CADM1: variants seen among roughly 807,000 people sequenced by gnomAD.
CADM1 encodes TSLC-1.
CADM1 carries 15 observed loss-of-function variants against 53.1 expected under a neutral mutation model. The ratio of observed to expected loss-of-function variants is 0.28; its 90% CI spans 0.19 to 0.44. The LOEUF is 0.44. Ranked by LOEUF, CADM1 falls within the 20% of genes least tolerant of loss-of-function variation. The probability of loss-of-function intolerance (pLI) is 1.00; values close to 1 mark genes in which losing one functional copy is unlikely to be tolerated. For synonymous variants in CADM1, 281 were observed against 243.0 expected, an observed-to-expected ratio of 1.16 and a Z score of -1.45; for missense variants, 434 against 611.3, an observed-to-expected ratio of 0.71 and a Z score of 3.06.
intron 1 of CADM1, among the ~76,000 whole-genome samples, chr11:115,265,901 G>A (rs897806866): frequency 7.9e-5 from 12 of 152,172 alleles, no homozygotes; most frequent in African/African-American, 2.9e-4. Context: ...CAATTAGGAG[G>A]ACAGTAGTCC....
chr11:115,219,436 A>G (rs1158863768), intron 5 of CADM1, among the ~76,000 whole-genome samples: 2 of 152,182 alleles, frequency 1.3e-5, no homozygotes, highest in Non-Finnish European at 2.9e-5. Flanking sequence ...TTCACCCACC[A>G]GTGTGCACTG....
intron 1 of CADM1, among the ~76,000 whole-genome samples, chr11:115,275,224 C>G (rs1264031043): frequency 6.6e-6 from 1 of 152,172 alleles, no homozygotes; most frequent in Non-Finnish European, 1.5e-5. Flanking sequence ...CTCACGTCCT[C>G]TCACCCATGT....
chr11:115,469,669 CTTT>C (rs554156174), intron 1 of CADM1, among the ~76,000 whole-genome samples: 4 of 100,462 alleles, frequency 4.0e-5, no homozygotes, highest in South Asian at 3.6e-4. Context: ...AACTTCTGGG[CTTT>C]TTTTTTTTTT....
At chr11:115,501,872 T>A (rs1168647451) in intron 1 of CADM1, among the ~76,000 whole-genome samples, 1 of 152,150 alleles carries the variant, frequency 6.6e-6, no homozygotes, top group African/African-American at 2.4e-5. Context: ...GACCCCGGAA[T>A]GAGCCAAGAC....
chr11:115,420,204 G>C (rs911300857), intron 1 of CADM1, among the ~76,000 whole-genome samples: 2 of 152,120 alleles, frequency 1.3e-5, no homozygotes, highest in African/African-American at 4.8e-5. Flanking sequence ...TTAGAATTTA[G>C]AACAATGTGT....
intron 1 of CADM1, among the ~76,000 whole-genome samples, chr11:115,442,306 T>C (rs1382454563): frequency 6.6e-6 from 1 of 152,176 alleles, no homozygotes; most frequent in African/African-American, 2.4e-5. Flanking sequence ...GGGCTCACTC[T>C]AAAGCTTTGG....
At chr11:115,263,259 T>A in intron 1 of CADM1, among the ~76,000 whole-genome samples, 1 of 152,170 alleles carries the variant, frequency 6.6e-6, no homozygotes, top group East Asian at 1.9e-4. Flanking sequence ...GGAATTGGAG[T>A]CACTGACATC....
chr11:115,393,068 A>C (rs1355980467), intron 1 of CADM1, among the ~76,000 whole-genome samples: 6 of 127,090 alleles, frequency 4.7e-5, no homozygotes, highest in Admixed American at 3.3e-4. Flanking sequence ...ATCTCTTCCA[A>C]AAAAAAAAAA....
rs1447223970 is a variant in CADM1, at chr11:115,169,909, T to C, written c.*6565A>G. On this transcript the variant is annotated 3_prime_UTR_variant, in exon 12 of 12. Transcript: ENST00000331581. Reference sequence around the variant, plus strand: ...GCAACCATTAAGGGATTTAAATATTTGCTTGCTATTAAAGGCCTGCATTAG... The same window carrying C: ...GCAACCATTAAGGGATTTAAATATTCGCTTGCTATTAAAGGCCTGCATTAG... 3.9e-6 allele frequency: 1 copy of C among 254,236 alleles called. No individual in the cohort carries two copies. Among genetic ancestry groups the C allele is most frequent in the Non-Finnish European group, 7.9e-6 (1 of 127,172 alleles). The allele number at this position is 254,236 out of a possible 1,614,324, so 15.7% of individuals were successfully genotyped here.
At chr11:115,244,189 T>C (rs1942334188) in intron 1 of CADM1, among the ~76,000 whole-genome samples, 1 of 152,254 alleles carries the variant, frequency 6.6e-6, no homozygotes, top group South Asian at 2.1e-4. Context: ...AGAAAGCTTA[T>C]TGTCTAAAGA....
chr11:115,217,948 G>A lies in CADM1; in HGVS notation c.765C>T (p.Gly255=). The stretch of plus-strand genomic sequence containing the variant: ...CAAGCGCGTCCCCTTCCCGGGTTAA[G>A]CCTTGTAGAGGATAAGTCATCTGAA... ...VHIQMTYPLQ[G]LTREGDALEL... is the part of the protein sequence containing the mutation. Residue 255 remains glycine, a synonymous_variant, in exon 6 of 12, where the codon GGC becomes GGT. Transcript: ENST00000331581. 1 of 1,613,582 alleles carries A rather than the reference G, an allele frequency of 6.2e-7. No individual in the cohort carries two copies. Among genetic ancestry groups the A allele is most frequent in the Non-Finnish European group, 8.5e-7 (1 of 1,179,628 alleles).
At chr11:115,306,330 T>C (rs541781678) in intron 1 of CADM1, among the ~76,000 whole-genome samples, 2 of 152,016 alleles carry the variant, frequency 1.3e-5, no homozygotes, top group East Asian at 1.9e-4. Context: ...AGCCTAGGAG[T>C]GTAGTAGACT....
At chr11:115,415,209 G>A (rs950976746) in intron 1 of CADM1, among the ~76,000 whole-genome samples, 20 of 152,270 alleles carry the variant, frequency 1.3e-4, no homozygotes, top group African/African-American at 4.8e-4. Context: ...GTACTATTAT[G>A]AGATAACACA....
chr11:115,402,187 C>T (rs1947174820), intron 1 of CADM1, among the ~76,000 whole-genome samples: 4 of 152,122 alleles, frequency 2.6e-5, no homozygotes, highest in Non-Finnish European at 4.4e-5. Context: ...AAACAATGTT[C>T]GCAACCTATC....
chr11:115,454,819 C>T (rs1948648785), intron 1 of CADM1, among the ~76,000 whole-genome samples: 1 of 152,184 alleles, frequency 6.6e-6, no homozygotes, highest in African/African-American at 2.4e-5. Context: ...CAGTCAATTT[C>T]ATCCTAAAAG....
chr11:115,180,156 G>T (rs749182042), intron 10 of CADM1, among the ~76,000 whole-genome samples: 13 of 152,184 alleles, frequency 8.5e-5, no homozygotes, highest in Non-Finnish European at 1.8e-4. Context: ...AGGAGGGCAT[G>T]ATTTACACTT....
intron 1 of CADM1, among the ~76,000 whole-genome samples, chr11:115,328,688 ATG>A (rs1400925400): frequency 4.9e-4 from 16 of 32,400 alleles, no homozygotes; most frequent in African/African-American, 2.6e-3. Flanking sequence ...GTGTATATAT[ATG>A]TGTATATATA....
chr11:115,307,516 AAAT>A (rs1358442587), intron 1 of CADM1, among the ~76,000 whole-genome samples: 2 of 120,384 alleles, frequency 1.7e-5, no homozygotes, highest in African/African-American at 6.4e-5. Flanking sequence ...AGGAAAAAAA[AAAT>A]ATATATATAT....
At chr11:115,280,184 G>T (rs756603248) in intron 1 of CADM1, among the ~76,000 whole-genome samples, 3 of 152,208 alleles carry the variant, frequency 2.0e-5, no homozygotes, top group Non-Finnish European at 4.4e-5. Flanking sequence ...AGACAGTGTG[G>T]TGTGTACAGG....
Sources: gnomAD v4.1 joint callset for allele counts (sites outside exome capture counted in the v4.1 genomes callset) on GRCh38, gnomAD v4.1.1 for gene constraint, MANE v1.5 for transcripts, NCBI Gene and HGNC (gene_info 2026-07-23, HGNC 2026-07-21) for gene names.